The following SUCLG2 variants were observed in gnomAD, a reference collection of about 807,000 sequenced individuals.
SUCLG2 encodes the protein succinate-CoA ligase GDP-forming subunit beta.
In SUCLG2, 42 loss-of-function variants were observed where a neutral mutation model predicts 47.9. The ratio of observed to expected loss-of-function variants is 0.88; its 90% confidence interval spans 0.69 to 1.14. The LOEUF (loss-of-function observed/expected upper bound fraction) is 1.14, where lower values mean the gene tolerates loss of function less well. SUCLG2 is among the 50% of genes most tolerant of loss of function. The probability of loss-of-function intolerance (pLI) is 0.00; values close to 1 mark genes in which losing one functional copy is unlikely to be tolerated. For synonymous variants in SUCLG2, 195 were observed against 197.3 expected (o/e 0.99, Z 0.10); for missense variants, 571 against 525.9 (o/e 1.09, Z -0.84).
At chr3:67,488,303 A>C (rs1283977722) in intron 9 of SUCLG2, among the ~76,000 whole-genome samples, 86 of 152,146 alleles carry the variant, frequency 5.7e-4, no homozygotes, top group Non-Finnish European at 1.2e-4. Context: ...GCCCATATGG[A>C]CATGTTGCTC....
At chr3:67,517,631 T>G (rs952044607) in intron 6 of SUCLG2, among the ~76,000 whole-genome samples, 10 of 152,310 alleles carry the variant, frequency 6.6e-5, no homozygotes, top group African/African-American at 2.4e-4. Context: ...CTGAGGCCAA[T>G]GTTTTGGTCT....
intron 2 of SUCLG2, among the ~76,000 whole-genome samples, chr3:67,547,810 G>A (rs1706907897): frequency 6.6e-6 from 1 of 152,158 alleles, no homozygotes; most frequent in Non-Finnish European, 1.5e-5. Context: ...GGAGTTCAAA[G>A]GAGATGCTAC....
chr3:67,577,414 T>C (rs114281954), intron 2 of SUCLG2, among the ~76,000 whole-genome samples: 7 of 152,314 alleles, frequency 4.6e-5, no homozygotes, highest in African/African-American at 1.7e-4. Context: ...GAGCAGAGCT[T>C]GGTTCATAAG....
intron 2 of SUCLG2, among the ~76,000 whole-genome samples, chr3:67,557,832 A>G (rs1288465192): frequency 1.3e-5 from 2 of 152,178 alleles, no homozygotes; most frequent in Admixed American, 1.3e-4. Flanking sequence ...TGCACAGGCA[A>G]GTTTGGGCAC....
At chr3:67,406,628 C>A (rs1200064756) in intron 9 of SUCLG2, among the ~76,000 whole-genome samples, 1 of 151,972 alleles carries the variant, frequency 6.6e-6, no homozygotes, top group Non-Finnish European at 1.5e-5. Context: ...ATTTGAGAAA[C>A]TGAACAGAAT....
intron 2 of SUCLG2, among the ~76,000 whole-genome samples, chr3:67,592,559 T>A (rs1357752047): frequency 6.6e-6 from 1 of 151,970 alleles, no homozygotes; most frequent in Non-Finnish European, 1.5e-5. Flanking sequence ...TCAGTGGCAT[T>A]CCCCACATAT....
chr3:67,425,019 A>G (rs752791852), intron 9 of SUCLG2, among the ~76,000 whole-genome samples: 3 of 151,824 alleles, frequency 2.0e-5, no homozygotes, highest in Non-Finnish European at 4.4e-5. Flanking sequence ...TCCACCCACA[A>G]TCGCCTCCCC....
chr3:67,643,852 T>C (rs1701145257), intron 1 of SUCLG2, among the ~76,000 whole-genome samples: 1 of 152,158 alleles, frequency 6.6e-6, no homozygotes, highest in South Asian at 2.1e-4. Flanking sequence ...AATTTTTGTA[T>C]TTTTAGTAGA....
chr3:67,366,573 C>G (rs549887573), intron 10 of SUCLG2, among the ~76,000 whole-genome samples: 1 of 152,248 alleles, frequency 6.6e-6, no homozygotes, highest in South Asian at 2.1e-4. Flanking sequence ...CTACATTTTC[C>G]AAGCTCTATT....
intron 10 of SUCLG2, among the ~76,000 whole-genome samples, chr3:67,366,459 G>A (rs1246662593): frequency 1.3e-5 from 2 of 152,228 alleles, no homozygotes. Flanking sequence ...CATTCCTTGA[G>A]TAGAGATTTT....
chr3:67,478,735 T>C (rs1193720660), intron 9 of SUCLG2, among the ~76,000 whole-genome samples: 1 of 152,018 alleles, frequency 6.6e-6, no homozygotes, highest in African/African-American at 2.4e-5. Context: ...TAGTGGGAGG[T>C]TGCAACTGCT....
chr3:67,514,899 T>A (rs150216094), intron 6 of SUCLG2, among the ~76,000 whole-genome samples: 19 of 152,176 alleles, frequency 1.2e-4, no homozygotes, highest in Non-Finnish European at 2.9e-5. Context: ...CTATCCAGGA[T>A]CCCTGACCAT....
At chr3:67,649,390 A>G (rs552724285) in intron 1 of SUCLG2, among the ~76,000 whole-genome samples, 1 of 152,364 alleles carries the variant, frequency 6.6e-6, no homozygotes, top group South Asian at 2.1e-4. Flanking sequence ...AATGAGCTGT[A>G]ATAAGCATTC....
chr3:67,653,746 C>A (rs1219924339), intron 1 of SUCLG2, among the ~76,000 whole-genome samples: 1 of 152,206 alleles, frequency 6.6e-6, no homozygotes, highest in Non-Finnish European at 1.5e-5. Context: ...TCAAAACTTT[C>A]CTGAAGTCCT....
intron 2 of SUCLG2, among the ~76,000 whole-genome samples, chr3:67,596,588 A>G (rs6765734): frequency 0.03 from 4,547 of 152,192 alleles, 90 homozygotes; most frequent in Middle Eastern, 0.065. Context: ...CTGTATCCCT[A>G]TGAGTTTACA....
At chr3:67,506,712 G>A (rs527922672) in intron 7 of SUCLG2, among the ~76,000 whole-genome samples, 32 of 152,296 alleles carry the variant, frequency 2.1e-4, no homozygotes, top group African/African-American at 7.7e-4. Context: ...AAAGCAACCA[G>A]GCTGCTTGTG....
At chr3:67,637,434 A>G (rs1296516584) in intron 1 of SUCLG2, among the ~76,000 whole-genome samples, 1 of 152,200 alleles carries the variant, frequency 6.6e-6, no homozygotes, top group Non-Finnish European at 1.5e-5. Flanking sequence ...AAACGAAAGT[A>G]CAGTCTGTCT....
At chr3:67,418,495 T>C (rs1214971285) in intron 9 of SUCLG2, among the ~76,000 whole-genome samples, 1 of 152,208 alleles carries the variant, frequency 6.6e-6, no homozygotes, top group East Asian at 1.9e-4. Context: ...TACACTAAGC[T>C]GTTCTGGTGA....
At chr3:67,436,478 T>C (rs1559525760) in intron 9 of SUCLG2, among the ~76,000 whole-genome samples, 1 of 152,188 alleles carries the variant, frequency 6.6e-6, no homozygotes. Context: ...GAATGGCATT[T>C]ATAAAAATCC....
Sources: gnomAD v4.1 joint callset for allele counts (sites outside exome capture counted in the v4.1 genomes callset) on GRCh38, gnomAD v4.1.1 for gene constraint, MANE v1.5 for transcripts, NCBI Gene and HGNC (gene_info 2026-07-23, HGNC 2026-07-21) for gene names.